The following AQR variants were observed in gnomAD, a reference collection of about 807,000 sequenced individuals.
AQR encodes the protein RNA helicase aquarius.
Under a neutral mutation model 180.5 loss-of-function variants are expected in AQR, and 61 were observed. That is an observed-to-expected ratio of 0.34 (90% CI 0.28 to 0.42). The LOEUF is 0.42. AQR is among the 10% of genes least tolerant of loss of function. The pLI is 1.00. For missense variants in AQR, 1,281 were observed against 1,798.3 expected, an observed-to-expected ratio of 0.71 and a Z score of 5.20; for synonymous variants, 551 against 588.8, an observed-to-expected ratio of 0.94 and a Z score of 0.93.
chr15:34,896,055 T>C (rs2140474214), intron 22 of AQR, among the ~76,000 whole-genome samples: 1 of 152,330 alleles, frequency 6.6e-6, no homozygotes. Flanking sequence ...AATCAATAAC[T>C]GGAAGATTAC....
chr15:34,955,831 G>C lies in AQR; in HGVS notation c.174-2911C>G, dbSNP rs577902727. On this transcript the variant is annotated intron_variant, in intron 3 of 34. Coordinates refer to ENST00000156471, the MANE Select transcript of AQR (RefSeq NM_014691.3). Reference sequence around the variant, plus strand: ...GGCTGAGGCAGGAGAATCATTCGAAGCTGGGAGGCGGAGGTTGCAGTGAGC... The same window carrying C: ...GGCTGAGGCAGGAGAATCATTCGAACCTGGGAGGCGGAGGTTGCAGTGAGC... Among the ~76,000 whole-genome samples, 172 of 151,138 alleles carry C rather than the reference G, an allele frequency of 1.1e-3. 1 individual carries two copies. Among genetic ancestry groups the C allele is most frequent in the African/African-American group, 4.0e-3 (166 of 41,094 alleles).
rs745451369 is a variant in AQR, at chr15:34,897,635, C to T, written c.2314G>A (p.Glu772Lys). Reference sequence around the variant, plus strand: ...TCAACAATTAAGGTTTTTGCTTCCTCGGTGTCTTCATCTTCCACATCCGCA... The same window carrying T: ...TCAACAATTAAGGTTTTTGCTTCCTTGGTGTCTTCATCTTCCACATCCGCA... ...KDADVEDEDT[E>K]EAKTLIVEPH... The change falls in exon 21 of 35, where the codon GAG becomes AAG. Residue 772 changes from glutamate to lysine, a missense_variant. Transcript: ENST00000156471. The T allele has an allele frequency of 6.1e-5, 99 of 1,613,936 alleles. No homozygotes were observed. The highest frequency in any genetic ancestry group is 8.1e-5 in the Non-Finnish European group (96 of 1,179,968).
intron 15 of AQR, among the ~76,000 whole-genome samples, chr15:34,916,791 A>T (rs1170990613): frequency 2.0e-5 from 3 of 151,814 alleles, no homozygotes; most frequent in African/African-American, 7.3e-5. Flanking sequence ...AGAACAGAGG[A>T]ACATGCTGCA....
chr15:34,952,435 C>T (rs1566790499), intron 4 of AQR, among the ~76,000 whole-genome samples: 1 of 152,230 alleles, frequency 6.6e-6, no homozygotes, highest in East Asian at 1.9e-4. Context: ...ATACTGGCTA[C>T]ATCTGGTTGC....
At chr15:34,941,586 G>T (rs898146601) in intron 7 of AQR, among the ~76,000 whole-genome samples, 2 of 152,052 alleles carry the variant, frequency 1.3e-5, no homozygotes, top group African/African-American at 4.8e-5. Context: ...AACTACCTAA[G>T]ATGTATTAAT....
chr15:34,954,197 G>A (rs999842120), intron 3 of AQR, among the ~76,000 whole-genome samples: 6 of 151,160 alleles, frequency 4.0e-5, no homozygotes, highest in African/African-American at 1.2e-4. Context: ...GATTACAGGC[G>A]TGAGCTACCA....
intron 5 of AQR, among the ~76,000 whole-genome samples, chr15:34,946,758 T>TG (rs1345559866): frequency 2.1e-4 from 18 of 85,764 alleles, no homozygotes; most frequent in Admixed American, 7.7e-4. Flanking sequence ...GGGAGGGAGG[T>TG]GGGGGGGTCA....
At chr15:34,945,082 T>C (rs923112394) in intron 5 of AQR, among the ~76,000 whole-genome samples, 7 of 152,220 alleles carry the variant, frequency 4.6e-5, no homozygotes, top group Admixed American at 2.0e-4. Flanking sequence ...TTGCCTGTTA[T>C]CTAAACCGCA....
chr15:34,968,487 T>C (rs1308908291), intron 1 of AQR, among the ~76,000 whole-genome samples: 3 of 150,432 alleles, frequency 2.0e-5, no homozygotes, highest in Non-Finnish European at 4.4e-5. Context: ...CTCGATCTCC[T>C]GACCTCGTGA....
chr15:34,860,557 G>T (rs746637239), intron 33 of AQR, among the ~76,000 whole-genome samples: 1 of 152,098 alleles, frequency 6.6e-6, no homozygotes, highest in African/African-American at 2.4e-5. Context: ...TAATATAAAA[G>T]AATTAGTACA....
chr15:34,885,411 C>G (rs1361141632), intron 25 of AQR, among the ~76,000 whole-genome samples: 1 of 152,128 alleles, frequency 6.6e-6, no homozygotes, highest in African/African-American at 2.4e-5. Context: ...TGCAAAATAT[C>G]TGAGGAGCTA....
At chr15:34,875,751 T>C (rs1892881089) in intron 28 of AQR, among the ~76,000 whole-genome samples, 184 bp downstream of exon 28, 1 of 152,166 alleles carries the variant, frequency 6.6e-6, no homozygotes, top group Non-Finnish European at 1.5e-5. Flanking sequence ...GCAAAACAAC[T>C]ACTAAATAGC....
rs1201346984 is a variant in AQR at position 34,895,205 on chromosome 15, T to A, written c.2461-1432A>T. Reference sequence around the variant, plus strand: ...AAAAAAAAATATATATATATATATATATATATATATATATATGAAACAAAT... The same window carrying A: ...AAAAAAAAATATATATATATATATAAATATATATATATATATGAAACAAAT... On this transcript the variant is annotated intron_variant, in intron 22 of 34. Transcript: ENST00000156471. 1.3e-3 allele frequency among the ~76,000 whole-genome samples: 98 copies of A among 73,180 alleles called. 3 individuals are homozygous for A. The highest frequency in any genetic ancestry group is 0.011 in the Middle Eastern group (1 of 88). 48.0% of individuals were successfully genotyped at this position (73,180 alleles called of 152,430 possible). A position where few individuals can be genotyped will look rare whatever the true frequency, so the allele number is the denominator to read the frequency against.
chr15:34,861,302 C>T (rs763949643), intron 33 of AQR, among the ~76,000 whole-genome samples: 8 of 152,142 alleles, frequency 5.3e-5, no homozygotes, highest in Admixed American at 3.9e-4. Context: ...TGTACAAATA[C>T]GGCCATGCTA....
At chr15:34,867,765 A>G (rs1892757310) in intron 31 of AQR, 156 bp from the exon 32 acceptor site, 1 of 592,770 alleles carries the variant, frequency 1.7e-6, no homozygotes, top group Non-Finnish European at 3.0e-6. Flanking sequence ...GTTAATGAAC[A>G]TTATTAAAGA....
At chr15:34,968,036 C>T (rs1368372862) in intron 1 of AQR, among the ~76,000 whole-genome samples, 1 of 152,130 alleles carries the variant, frequency 6.6e-6, no homozygotes, top group Non-Finnish European at 1.5e-5. Context: ...TGGTCTCGAA[C>T]TCCCGACCTC....
intron 2 of AQR, among the ~76,000 whole-genome samples, chr15:34,963,673 CTTTTTTT>C (rs2050293832): frequency 7.2e-6 from 1 of 138,330 alleles, no homozygotes; most frequent in African/African-American, 2.7e-5. Flanking sequence ...TTTTTTTTTT[CTTTTTTT>C]TGAGATGGAG....
chr15:34,896,925 CG>C lies in AQR; in HGVS notation c.2431del (p.Arg811ValfsTer8). The C allele has an allele frequency of 6.2e-7, 1 of 1,613,360 alleles. No homozygotes were observed. The highest frequency in any genetic ancestry group is 8.5e-7 in the Non-Finnish European group (1 of 1,179,314). On this transcript the variant is annotated frameshift_variant, in exon 22 of 35. Coordinates refer to ENST00000156471, the MANE Select transcript of AQR (RefSeq NM_014691.3). LOFTEE classifies it high-confidence loss of function. ...AGTCAGCCCAGGCTGCATTCCAGCA[CG>C]GATGGCTTCTATCTGTGTATGAGTG... ...QFTHTQIEAI[R>X]AGMQPGLTMV... is the part of the protein sequence containing the mutation.
At chr15:34,916,552 A>G (rs367903091) in intron 15 of AQR, among the ~76,000 whole-genome samples, 1 of 152,142 alleles carries the variant, frequency 6.6e-6, no homozygotes, top group African/African-American at 2.4e-5. Flanking sequence ...TCAATAGCAC[A>G]TTTTTATTTA....
Sources: allele counts gnomAD v4.1 joint callset (sites outside exome capture counted in the v4.1 genomes callset), GRCh38; gene constraint gnomAD v4.1.1; transcripts MANE v1.5; gene names NCBI Gene and HGNC (gene_info 2026-07-23, HGNC 2026-07-21).